Variants in CASZ1 observed in about 807,000 individuals in gnomAD.
CASZ1 encodes the protein zinc finger protein castor homolog 1.
A neutral mutation model predicts 135.2 loss-of-function variants in CASZ1; 28 were observed. That is an observed-to-expected ratio of 0.21 (90% CI 0.15 to 0.28). The LOEUF is 0.28. Among genes scored for constraint, CASZ1 ranks in the 10% least tolerant of loss-of-function variants. CASZ1 has a pLI of 1.00. For synonymous variants in CASZ1, 1,068 were observed against 1,073.4 expected (o/e 0.99, Z 0.10); for missense variants, 2,161 against 2,453.3 (o/e 0.88, Z 2.52).
chr1:10,663,069 C>G (rs547321638), intron 5 of CASZ1, among the ~76,000 whole-genome samples: 1 of 152,232 alleles, frequency 6.6e-6, no homozygotes, highest in African/African-American at 2.4e-5. Context: ...GAGACCTGCA[C>G]GGCCCCCGGG....
At chr1:10,645,171 C>T in intron 17 of CASZ1, 83 bp from the exon 18 acceptor site, 1 of 1,202,218 alleles carries the variant, frequency 8.3e-7, no homozygotes. Context: ...CTGTGGTGGG[C>T]CCTTGGCACA....
intron 2 of CASZ1, among the ~76,000 whole-genome samples, chr1:10,749,609 C>T (rs1454764364): frequency 6.6e-6 from 1 of 152,058 alleles, no homozygotes; most frequent in Non-Finnish European, 1.5e-5. Context: ...CCAGGTGTGG[C>T]CCAGACAGCC....
In CASZ1 at chr1:10,639,285, G is replaced by T; in HGVS notation, c.4937C>A (p.Ala1646Glu). 1 of 1,199,398 alleles carries T rather than the reference G, an allele frequency of 8.3e-7. No individual in the cohort carries two copies. Among genetic ancestry groups the T allele is most frequent in the Non-Finnish European group, 1.0e-6 (1 of 963,142 alleles). 74.3% of individuals were successfully genotyped at this position (1,199,398 alleles called of 1,614,324 possible). ...AAGLGLALGD[A>E]GDPGPPDAAA... ...GGCGTCGGGCGGGCCGGGGTCGCCC[G>T]CGTCGCCCAGCGCCAGGCCCAGGCC... The change falls in exon 21 of 21, where the codon GCG (alanine) becomes GAG (glutamate). Residue 1646 changes from alanine (A) to glutamate (E), a missense_variant. Coordinates refer to ENST00000377022, the MANE Select transcript of CASZ1 (RefSeq NM_001079843.3). This position sits in a 1 kb window ranked among gnomAD's most constrained non-coding sequence, Gnocchi z 4.0.
Position 10,639,911 on chromosome 1 carries a change from G to C in CASZ1, c.4311C>G (p.Phe1437Leu), listed in dbSNP as rs544322406. 4.3e-6 allele frequency: 7 copies of C among 1,612,924 alleles called. No individual in the cohort carries two copies. The South Asian group carries it at 6.6e-5, about 15-fold the overall frequency. The change falls in exon 21 of 21, where the codon TTC becomes TTG. Residue 1437 changes from phenylalanine (F) to leucine (L), a missense_variant. Physicochemically the swap from Phe to Leu is conservative, Grantham distance 22. This residue lies in a region of CASZ1 where 240 missense variants were observed against 321.4 expected (regional missense o/e 0.75). Coordinates refer to ENST00000377022, the MANE Select transcript of CASZ1 (RefSeq NM_001079843.3). This position sits in a 1 kb window ranked among gnomAD's most constrained non-coding sequence, Gnocchi z 4.0. ...EGMMLEGFRR[F>L]DLYEDCKDAA... The stretch of plus-strand genomic sequence containing the variant: ...CGTCCTTGCAGTCCTCGTAAAGGTC[G>C]AAGCGCCGGAAGCCCTCCAGCATCA...
intron 9 of CASZ1, among the ~76,000 whole-genome samples, chr1:10,654,883 G>C (rs1642736264): frequency 6.6e-6 from 1 of 152,242 alleles, no homozygotes; most frequent in South Asian, 2.1e-4. Context: ...AGGGGAGGGA[G>C]CTGCATCCTG....
chr1:10,691,068 C>T (rs1476727291), intron 4 of CASZ1, among the ~76,000 whole-genome samples: 1 of 143,494 alleles, frequency 7.0e-6, no homozygotes, highest in Non-Finnish European at 1.6e-5. Flanking sequence ...GTCCTCCTCT[C>T]TTCCTCTCTC....
At chr1:10,793,227 T>C (rs1329336888) in intron 1 of CASZ1, among the ~76,000 whole-genome samples, 2 of 150,726 alleles carry the variant, frequency 1.3e-5, no homozygotes, top group Non-Finnish European at 3.0e-5. Context: ...GAAAGAATTT[T>C]GCTCTTATAT....
At position 10,646,287 on chromosome 1, in the gene CASZ1, C is replaced by A; in HGVS notation, c.3537G>T (p.Lys1179Asn). The change falls in exon 17 of 21, where the codon AAG (lysine) becomes AAT (asparagine). Residue 1179 changes from lysine to asparagine, a missense_variant. Physicochemically the swap from Lys to Asn is moderately conservative, Grantham distance 94. Transcript: ENST00000377022. This position sits in a 1 kb window ranked among gnomAD's most constrained non-coding sequence, Gnocchi z 6.4. ...TCCCAAAGAGACAGTGGAAGTGGAA[C>A]TTGTTGGCGTACTTGCAGTCCGTGG... The part of the protein sequence containing the change: ...CLATDCKYAN[K>N]FHFHCLFGNC... 5.6e-6 allele frequency: 9 copies of A among 1,614,154 alleles called. No homozygotes were observed. Among genetic ancestry groups the A allele is most frequent in the Non-Finnish European group, 7.6e-6 (9 of 1,180,028 alleles).
At chr1:10,642,611 G>A (rs1344297381) in intron 20 of CASZ1, among the ~76,000 whole-genome samples, 1 of 152,114 alleles carries the variant, frequency 6.6e-6, no homozygotes, top group Non-Finnish European at 1.5e-5. Flanking sequence ...TGCTCCCGCT[G>A]TGGCTCAGAG....
chr1:10,753,935 C>T (rs1268769970), intron 2 of CASZ1, among the ~76,000 whole-genome samples: 1 of 152,196 alleles, frequency 6.6e-6, no homozygotes, highest in Non-Finnish European at 1.5e-5. Flanking sequence ...CAATGGCCTG[C>T]AAGGCCTACG....
At chr1:10,670,778 A>C (rs1345362666) in intron 4 of CASZ1, among the ~76,000 whole-genome samples, 1 of 151,726 alleles carries the variant, frequency 6.6e-6, no homozygotes, top group Non-Finnish European at 1.5e-5. Context: ...TCCCTCCTCT[A>C]CCTCACAGCC....
At chr1:10,748,292 G>A (rs897039311) in intron 2 of CASZ1, among the ~76,000 whole-genome samples, 7 of 152,022 alleles carry the variant, frequency 4.6e-5, no homozygotes, top group Non-Finnish European at 8.8e-5. Flanking sequence ...GGGCAGGGGC[G>A]GCAGGCCGAG....
chr1:10,658,228 C>T (rs772455544), intron 7 of CASZ1: 4 of 444,424 alleles, frequency 9.0e-6, no homozygotes, highest in South Asian at 5.4e-5. Context: ...GGGGGAGCTG[C>T]ACTCACCTGT....
In CASZ1 at chr1:10,647,919, G is replaced by T; in HGVS notation, c.3379C>A (p.Pro1127Thr). 1 of 1,613,298 alleles carries T rather than the reference G, an allele frequency of 6.2e-7. No homozygotes were observed. Among genetic ancestry groups the T allele is most frequent in the Non-Finnish European group, 8.5e-7 (1 of 1,179,592 alleles). Residue 1127 changes from proline to threonine, a missense_variant, in exon 16 of 21, where the codon CCC becomes ACC. Transcript: ENST00000377022. This position sits in a 1 kb window ranked among gnomAD's most constrained non-coding sequence, Gnocchi z 4.9. ...GACGCTGGGATCTGAGGCATCTGGG[G>T]TATGGTGGAAGCCAGCTGCTTCCAG... Reference protein sequence around the residue: ...LAWKQLASTIPQMPQIPASVP... With the variant: ...LAWKQLASTITQMPQIPASVP...
chr1:10,755,046 C>G lies in CASZ1; in HGVS notation c.-77+5655G>C, dbSNP rs1429748661. ...TTCGGAGGAAAGCCAAGGAGCCGGA[C>G]CAGAGAGAAAACTCAGGTGGTGAGT... On this transcript the variant is annotated intron_variant, in intron 2 of 20. Coordinates refer to ENST00000377022, the MANE Select transcript of CASZ1 (RefSeq NM_001079843.3). This position sits in a 1 kb window ranked among gnomAD's most constrained non-coding sequence, Gnocchi z 4.3. Among the ~76,000 whole-genome samples the G allele has an allele frequency of 1.3e-5, 2 of 152,152 alleles. No individual in the cohort carries two copies. The highest frequency in any genetic ancestry group is 4.8e-5 in the African/African-American group (2 of 41,436).
chr1:10,673,973 C>G lies in CASZ1; in HGVS notation c.17-8402G>C, dbSNP rs371752029. Among the ~76,000 whole-genome samples, 3 of 152,354 alleles carry G rather than the reference C, an allele frequency of 2.0e-5. No homozygotes were observed. The East Asian group carries it at 5.8e-4, about 29-fold the overall frequency. On this transcript the variant is annotated intron_variant, in intron 4 of 20. Transcript: ENST00000377022. ...AGGGCAAGTGCAGGCCTCTGTCATC[C>G]CTGCCACCGCAGTGCCTGGATCAGA...
chr1:10,773,354 G>C (rs929307435), intron 1 of CASZ1, among the ~76,000 whole-genome samples: 2 of 149,878 alleles, frequency 1.3e-5, no homozygotes, highest in Non-Finnish European at 3.0e-5. Context: ...CGGGCAGGTA[G>C]AGACAGACGT....
Position 10,655,723 on chromosome 1 carries a change from G to A in CASZ1, c.1591C>T (p.Pro531Ser). 6.2e-7 allele frequency: 1 copy of A among 1,614,212 alleles called. No individual in the cohort carries two copies. ...SLQHGFMRFS[P>S]LDDCSVYYHG... ...TAGTAGACGCTGCAGTCGTCCAGCGGGCTGAAACGCATGAAGCCGTGCTGC... is the reference window on the plus strand; with the variant it reads ...TAGTAGACGCTGCAGTCGTCCAGCGAGCTGAAACGCATGAAGCCGTGCTGC... The change falls in exon 9 of 21, where the codon CCG (proline) becomes TCG (serine). Residue 531 changes from proline (P) to serine (S), a missense_variant. Coordinates refer to ENST00000377022, the MANE Select transcript of CASZ1 (RefSeq NM_001079843.3).
rs1213733611 is a variant in CASZ1 at position 10,679,494 on chromosome 1, A to G, written c.17-13923T>C. The stretch of plus-strand genomic sequence containing the variant: ...GCCAGCTGTCTCGATGGTGCTACCA[A>G]GCAATGTAGCAGCCCCCACATACTC... On this transcript the variant is annotated intron_variant, in intron 4 of 20. Coordinates refer to ENST00000377022, the MANE Select transcript of CASZ1 (RefSeq NM_001079843.3). The surrounding 1 kb of genome is among the most constrained non-coding windows in gnomAD (Gnocchi z 4.7). Among the ~76,000 whole-genome samples the G allele has an allele frequency of 2.6e-5, 4 of 152,078 alleles. No homozygotes were observed. Among genetic ancestry groups the G allele is most frequent in the Admixed American group, 6.5e-5 (1 of 15,280 alleles).
Sources: allele counts gnomAD v4.1 joint callset (sites outside exome capture counted in the v4.1 genomes callset), GRCh38; gene constraint gnomAD v4.1.1; regional missense constraint gnomAD v4.1.1; non-coding constraint Gnocchi (gnomAD v3.1); transcripts MANE v1.5; gene names NCBI Gene and HGNC (gene_info 2026-07-23, HGNC 2026-07-21).